Variants in ZNF600 observed in about 807,000 individuals in gnomAD.
The protein encoded by ZNF600 is zinc finger protein KR-ZNF1.
In ZNF600, 4 loss-of-function variants were observed where a neutral mutation model predicts 7.3. That is an observed-to-expected ratio of 0.55 (90% CI 0.27 to 1.25). The LOEUF (loss-of-function observed/expected upper bound fraction) is 1.25. ZNF600 is among the 50% of genes most tolerant of loss of function. The pLI is 0.12. For missense variants in ZNF600, 911 were observed against 922.1 expected, an observed-to-expected ratio of 0.99 and a Z score of 0.16; for synonymous variants, 290 against 308.9, an observed-to-expected ratio of 0.94 and a Z score of 0.64.
At chr19:52,823,062 T>G in the ZNF600 span, among the ~76,000 whole-genome samples, 2 of 152,158 alleles carry the variant, frequency 1.3e-5, no homozygotes, top group Non-Finnish European at 2.9e-5. Context: ...ATTGATTGGT[T>G]ATGGATTGAT....
the ZNF600 span, chr19:52,801,155 TAA>T: frequency 1.2e-6 from 2 of 1,614,156 alleles, no homozygotes; most frequent in Admixed American, 1.7e-5. Flanking sequence ...GATGTTTTTT[TAA>T]AAGTGAGCTA....
chr19:52,810,008 G>A, the ZNF600 span: 1 of 756,424 alleles, frequency 1.3e-6, no homozygotes. Context: ...AGGAGCTGCT[G>A]TTGGAGCCGG....
the ZNF600 span, among the ~76,000 whole-genome samples, chr19:52,802,621 G>C: frequency 6.6e-6 from 1 of 150,512 alleles, no homozygotes; most frequent in African/African-American, 2.4e-5. Context: ...AGATTGTGGT[G>C]AGTTGAGATC....
chr19:52,777,843 AATAG>A (rs1223301999), intron 2 of ZNF600, among the ~76,000 whole-genome samples: 1 of 152,060 alleles, frequency 6.6e-6, no homozygotes, highest in South Asian at 2.1e-4. Flanking sequence ...TAAGTAAATA[AATAG>A]ATAGAGAGAT....
chr19:52,787,406 T>C (rs942938532), upstream of ZNF600, among the ~76,000 whole-genome samples: 23 of 135,614 alleles, frequency 1.7e-4, no homozygotes, highest in African/African-American at 6.9e-4. Flanking sequence ...TTTTACTTTT[T>C]TTTTTTTTTT....
the ZNF600 span, among the ~76,000 whole-genome samples, chr19:52,819,577 G>A: frequency 4.1e-5 from 2 of 48,982 alleles, 1 homozygote. Flanking sequence ...CCAAGTTGCA[G>A]GGGAGGCTCA....
chr19:52,770,068 T>C (rs951917709), intron 3 of ZNF600, among the ~76,000 whole-genome samples: 1 of 152,094 alleles, frequency 6.6e-6, no homozygotes, highest in East Asian at 1.9e-4. Context: ...CAGCACACAA[T>C]ATAAGAACTG....
At chr19:52,771,828 C>G (rs113933397) in intron 3 of ZNF600, among the ~76,000 whole-genome samples, 3,411 of 152,130 alleles carry the variant, frequency 0.022, 141 homozygotes, top group African/African-American at 0.076. Flanking sequence ...TGCCCGACTG[C>G]TCTCAAACTC....
chr19:52,791,838 C>T, the ZNF600 span, among the ~76,000 whole-genome samples: 4 of 152,196 alleles, frequency 2.6e-5, no homozygotes, highest in Non-Finnish European at 5.9e-5. Flanking sequence ...ACTGATCTCC[C>T]CTTCAGGGCA....
At chr19:52,770,976 G>C (rs893421123) in intron 3 of ZNF600, among the ~76,000 whole-genome samples, 2 of 152,104 alleles carry the variant, frequency 1.3e-5, no homozygotes, top group African/African-American at 2.4e-5. Flanking sequence ...TGGGATTACA[G>C]GCATGTGCAA....
the ZNF600 span, among the ~76,000 whole-genome samples, chr19:52,795,019 T>A: frequency 8.5e-5 from 13 of 152,204 alleles, no homozygotes; most frequent in Non-Finnish European, 1.6e-4. Flanking sequence ...CACATAGCTA[T>A]AAGTGTTTAA....
chr19:52,774,478 T>C (rs1253774144), intron 3 of ZNF600, 97 bp downstream of exon 5: 7 of 850,676 alleles, frequency 8.2e-6, no homozygotes, highest in South Asian at 5.4e-5. Context: ...AAAAAAGCCA[T>C]GCATGGGGCA....
chr19:52,810,571 T>G, the ZNF600 span: 1 of 1,593,230 alleles, frequency 6.3e-7, no homozygotes, highest in African/African-American at 1.3e-5. Flanking sequence ...ACCGGGGTCT[T>G]CCACGAGCCC....
chr19:52,787,555 C>G (rs1342303663), upstream of ZNF600, among the ~76,000 whole-genome samples: 1 of 150,524 alleles, frequency 6.6e-6, no homozygotes, highest in African/African-American at 2.4e-5. Flanking sequence ...TACAGGAGCC[C>G]GCCTAACCCA....
At chr19:52,770,169 C>T (rs980537159) in intron 3 of ZNF600, among the ~76,000 whole-genome samples, 16 of 152,040 alleles carry the variant, frequency 1.1e-4, no homozygotes, top group East Asian at 1.9e-4. Context: ...TGGCTGGTAA[C>T]GGTGGCTGAC....
chr19:52,780,359 A>G (rs147749379), intron 1 of ZNF600, among the ~76,000 whole-genome samples: 1 of 152,154 alleles, frequency 6.6e-6, no homozygotes, highest in African/African-American at 2.4e-5. Flanking sequence ...TAGGAAAGAA[A>G]GGCTGCTTGT....
chr19:52,826,776 T>A, the ZNF600 span, among the ~76,000 whole-genome samples: 47 of 152,160 alleles, frequency 3.1e-4, no homozygotes, highest in African/African-American at 1.1e-3. Context: ...CTTGGGAGGC[T>A]GAGCCAGGAG....
chr19:52,811,039 G>A, the ZNF600 span, among the ~76,000 whole-genome samples: 3 of 147,990 alleles, frequency 2.0e-5, no homozygotes, highest in Non-Finnish European at 4.5e-5. Context: ...GCAGGCACGC[G>A]CCGCCACGCC....
At chr19:52,818,744 G>A in the ZNF600 span, among the ~76,000 whole-genome samples, 4 of 151,194 alleles carry the variant, frequency 2.6e-5, no homozygotes, top group African/African-American at 4.9e-5. Flanking sequence ...TTAGCAGGGT[G>A]TGGTGGCACA....
Sources: gnomAD v4.1 joint callset for allele counts (sites outside exome capture counted in the v4.1 genomes callset) on GRCh38, gnomAD v4.1.1 for gene constraint, MANE v1.5 for transcripts, NCBI Gene and HGNC (gene_info 2026-07-23, HGNC 2026-07-21) for gene names.